MTO1: variants seen among roughly 807,000 people sequenced by gnomAD.
MTO1 encodes 5-taurinomethyluridine-[tRNA] synthase subunit MTO1, mitochondrial.
A neutral mutation model predicts 71.6 loss-of-function variants in MTO1; 46 were observed. The observed-to-expected ratio is 0.64, with a 90% CI of 0.51 to 0.82. MTO1 has a LOEUF of 0.82. MTO1 is among the 40% of genes least tolerant of loss of function. The pLI is 0.00. For missense variants in MTO1, 773 were observed against 867.5 expected, an observed-to-expected ratio of 0.89 and a Z score of 1.37; for synonymous variants, 297 against 312.1, an observed-to-expected ratio of 0.95 and a Z score of 0.51.
Position 73,497,847 on chromosome 6 carries a change from C to T in MTO1, c.1868C>T (p.Ser623Phe), listed in dbSNP as rs1772032922. 3.7e-6 allele frequency: 6 copies of T among 1,613,746 alleles called. No homozygotes were observed. Among genetic ancestry groups the T allele is most frequent in the Non-Finnish European group, 2.5e-6 (3 of 1,179,734 alleles). The stretch of plus-strand genomic sequence containing the variant: ...GATTATTTGACTATCAGGGATGTGT[C>T]TTTGTCCCATGAAGTTCGAGAGAAA... ...DLDYLTIRDV[S>F]LSHEVREKLH... The change falls in exon 11 of 12, where the codon TCT becomes TTT. Residue 623 changes from serine to phenylalanine, a missense_variant. Transcript: ENST00000498286.
At position 73,500,935 on chromosome 6, in the gene MTO1, C is replaced by G; in HGVS notation, c.*200C>G. On this transcript the variant is annotated 3_prime_UTR_variant, in exon 12 of 12. Coordinates refer to ENST00000498286, the MANE Select transcript of MTO1 (RefSeq NM_012123.4). ...AAACTAGTCGTAAACAATTTGTACT[C>G]TTTCTTTAAGGAGCTGTAATACAAA... The G allele has an allele frequency of 2.5e-6, 1 of 402,736 alleles. No homozygotes were observed. The highest frequency in any genetic ancestry group is 3.9e-5 in the East Asian group (1 of 25,616). 24.9% of individuals were successfully genotyped at this position (402,736 alleles called of 1,614,324 possible).
intron 11 of MTO1, among the ~76,000 whole-genome samples, chr6:73,499,289 T>G (rs1220798084): frequency 6.6e-6 from 1 of 152,124 alleles, no homozygotes; most frequent in East Asian, 1.9e-4. Context: ...TATGTTTGTA[T>G]GGATAATCAT....
chr6:73,473,879 TG>T (rs1771230337), intron 4 of MTO1, among the ~76,000 whole-genome samples: 1 of 151,360 alleles, frequency 6.6e-6, no homozygotes, highest in Admixed American at 6.6e-5. Context: ...CTTGACCTCC[TG>T]GGCTCAAGTG....
intron 4 of MTO1, among the ~76,000 whole-genome samples, chr6:73,478,879 ACTTTTTTTTTTT>A (rs1582683404): frequency 3.0e-5 from 4 of 132,738 alleles, no homozygotes; most frequent in Admixed American, 2.3e-4. Flanking sequence ...GCACAAAAAC[ACTTTTTTTTTTT>A]CTTTTTTTTT....
Position 73,462,066 on chromosome 6 carries a change from C to G in MTO1, c.212C>G (p.Thr71Arg), listed in dbSNP as rs774699985. ...RTLLLTHRVD[T>R]IGQMSCNPSF... ...CTGCTCCTCACTCACCGCGTGGACA[C>G]GATCGGTGAGGAGCGCGGGTGCTGT... Residue 71 changes from threonine to arginine, a missense_variant, in exon 1 of 12, where the codon ACG becomes AGG. Thr to Arg is a moderately conservative substitution (Grantham distance 71). Coordinates refer to ENST00000498286, the MANE Select transcript of MTO1 (RefSeq NM_012123.4). 6 of 1,613,254 alleles carry G rather than the reference C, an allele frequency of 3.7e-6. No individual in the cohort carries two copies. The East Asian group carries it at 8.9e-5, about 24-fold the overall frequency.
intron 3 of MTO1, among the ~76,000 whole-genome samples, chr6:73,467,129 G>A (rs1371041635): frequency 1.3e-5 from 2 of 151,798 alleles, no homozygotes; most frequent in East Asian, 3.9e-4. Context: ...GCCTCGGCAA[G>A]ATGGCAAAAC....
Position 73,482,476 on chromosome 6 carries a change from A to G in MTO1, c.1493A>G (p.Gln498Arg), listed in dbSNP as rs1417044275. ...RGYKDAGCVS[Q>R]QRYERACWMK... ...TATAAAGACGCTGGCTGTGTGTCCC[A>G]ACAACGATATGAAAGAGCTTGTTGG... The change falls in exon 9 of 12, where the codon CAA becomes CGA. Residue 498 changes from glutamine (Q) to arginine (R), a missense_variant. Physicochemically the swap from Gln to Arg is conservative, Grantham distance 43. Transcript: ENST00000498286. 4 of 1,613,428 alleles carry G rather than the reference A, an allele frequency of 2.5e-6. No individual in the cohort carries two copies. Among genetic ancestry groups the G allele is most frequent in the Non-Finnish European group, 3.4e-6 (4 of 1,179,866 alleles).
intron 3 of MTO1, among the ~76,000 whole-genome samples, chr6:73,472,168 A>G (rs1278115325): frequency 6.6e-6 from 1 of 152,128 alleles, no homozygotes; most frequent in Non-Finnish European, 1.5e-5. Flanking sequence ...TTCTCTTCAG[A>G]TATTAATACT....
chr6:73,497,601 C>A, intron 10 of MTO1, 135 bp from the exon 11 acceptor site: 2 of 802,106 alleles, frequency 2.5e-6, no homozygotes, highest in Middle Eastern at 3.0e-4. Context: ...CCTACCCAAC[C>A]CATCTCATGA....
In MTO1 at chr6:73,500,819, T is replaced by C. The variant is rs1772141147; in HGVS notation, c.*84T>C. On this transcript the variant is annotated 3_prime_UTR_variant, in exon 12 of 12. Coordinates refer to ENST00000498286, the MANE Select transcript of MTO1 (RefSeq NM_012123.4). ...ATAGATAAAAGAATTATTTAGCACA[T>C]GTTAAAATAGCTTTATTAGGTTACT... is the stretch of plus-strand genomic sequence containing the variant. 8.8e-7 allele frequency: 1 copy of C among 1,134,510 alleles called. No homozygotes were observed. The allele number at this position is 1,134,510 out of a possible 1,614,324, so 70.3% of individuals were successfully genotyped here.
intron 6 of MTO1, chr6:73,480,449 T>C (rs1582685273): frequency 1.7e-6 from 1 of 590,530 alleles, no homozygotes; most frequent in East Asian, 3.3e-5. Context: ...TTTGTATTTT[T>C]AGTAGAGACA....
intron 4 of MTO1, among the ~76,000 whole-genome samples, chr6:73,478,590 T>A (rs1387444332): frequency 2.0e-5 from 3 of 152,162 alleles, no homozygotes; most frequent in Admixed American, 1.3e-4. Flanking sequence ...TAGAGTGCAA[T>A]GGTAATGGCG....
intron 9 of MTO1, among the ~76,000 whole-genome samples, chr6:73,487,159 C>T (rs1771675849): frequency 6.6e-6 from 1 of 150,566 alleles, no homozygotes; most frequent in Non-Finnish European, 1.5e-5. Context: ...CTGCTATGAA[C>T]ATGGGTATAC....
chr6:73,465,876 C>A (rs571212725), intron 1 of MTO1, among the ~76,000 whole-genome samples: 1 of 151,996 alleles, frequency 6.6e-6, no homozygotes, highest in Non-Finnish European at 1.5e-5. Flanking sequence ...CCCGGCTACT[C>A]GGGATGCTGA....
chr6:73,471,723 A>G (rs1422442810), intron 3 of MTO1: 3 of 163,328 alleles, frequency 1.8e-5, no homozygotes, highest in Non-Finnish European at 4.0e-5. Context: ...TGGCCGATTT[A>G]ATTTAATATC....
At chr6:73,481,891 T>C in intron 7 of MTO1, 149 bp from the exon 8 acceptor site, 1 of 733,970 alleles carries the variant, frequency 1.4e-6, no homozygotes. Flanking sequence ...TTTCTGAATA[T>C]GGATCACATT....
rs201684454 is a variant in MTO1 at position 73,497,698 on chromosome 6, T to A, written c.1757-38T>A. 4.6e-5 allele frequency: 73 copies of A among 1,583,852 alleles called. No homozygotes were observed. The African/African-American group carries it at 9.7e-4, about 21-fold the overall frequency. On this transcript the variant is annotated intron_variant, in intron 10 of 11. Transcript: ENST00000498286. ...AATGTAAGTTGTTAGTATAATATAATCTGGGTATTATAACATGATTCTGAT... is the reference window on the plus strand; with the variant it reads ...AATGTAAGTTGTTAGTATAATATAAACTGGGTATTATAACATGATTCTGAT...
rs1772228409 is a variant in MTO1 at position 73,504,163 on chromosome 6, A to C, written c.*3428A>C. On this transcript the variant is annotated 3_prime_UTR_variant, in exon 12 of 12. Coordinates refer to ENST00000498286, the MANE Select transcript of MTO1 (RefSeq NM_012123.4). ...TGTTTTTATTTAGAGACAAGATCTC[A>C]CTCTGCCACCCTGGCTGGAGTGCAG... 1 of 152,170 alleles carries C rather than the reference A, an allele frequency of 6.6e-6. No homozygotes were observed. 9.4% of individuals were successfully genotyped at this position (152,170 alleles called of 1,614,324 possible). A position where few individuals can be genotyped will look rare whatever the true frequency, so the allele number is the denominator to read the frequency against.
intron 1 of MTO1, among the ~76,000 whole-genome samples, chr6:73,463,833 C>T (rs145908959): frequency 0.011 from 1,608 of 152,094 alleles, 26 homozygotes; most frequent in African/African-American, 0.037. Flanking sequence ...CTCCACCTCC[C>T]GGGTTCAAGC....
Sources: allele counts gnomAD v4.1 joint callset (sites outside exome capture counted in the v4.1 genomes callset), GRCh38; gene constraint gnomAD v4.1.1; transcripts MANE v1.5; gene names NCBI Gene and HGNC (gene_info 2026-07-23, HGNC 2026-07-21).